STXBP5L: variants seen among roughly 807,000 people sequenced by gnomAD.
The protein encoded by STXBP5L is syntaxin binding protein 5L.
In STXBP5L, 65 loss-of-function variants were observed where a neutral mutation model predicts 144.5. That is an observed-to-expected ratio of 0.45 (90% CI 0.37 to 0.55). The LOEUF is 0.55. Among genes scored for constraint, STXBP5L ranks in the 20% least tolerant of loss-of-function variants. The pLI is 0.00. For synonymous variants in STXBP5L, 505 were observed against 469.6 expected (o/e 1.08, Z -0.97); for missense variants, 1,298 against 1,405.5 (o/e 0.92, Z 1.22).
chr3:121,065,837 C>G (rs911888193), intron 5 of STXBP5L, among the ~76,000 whole-genome samples: 1 of 152,158 alleles, frequency 6.6e-6, no homozygotes, highest in East Asian at 1.9e-4. Flanking sequence ...GATCTTTATT[C>G]AAGCTCATTT....
At chr3:121,087,500 T>C (rs1370734674) in intron 5 of STXBP5L, among the ~76,000 whole-genome samples, 1 of 152,084 alleles carries the variant, frequency 6.6e-6, no homozygotes, top group Non-Finnish European at 1.5e-5. Context: ...GTCTTCTTTC[T>C]AGTGATTCAT....
chr3:120,914,941 C>T (rs1709031599), intron 2 of STXBP5L, among the ~76,000 whole-genome samples: 1 of 151,998 alleles, frequency 6.6e-6, no homozygotes, highest in African/African-American at 2.4e-5. Context: ...TTTGCTTATC[C>T]TGAGAGCATA....
chr3:121,406,249 A>G (rs927457947), intron 22 of STXBP5L, among the ~76,000 whole-genome samples: 2 of 152,106 alleles, frequency 1.3e-5, no homozygotes, highest in African/African-American at 2.4e-5. Flanking sequence ...CAACTAAGAT[A>G]TTAGATCATC....
chr3:121,304,040 C>T (rs1408687320), intron 19 of STXBP5L, among the ~76,000 whole-genome samples: 11 of 149,508 alleles, frequency 7.4e-5, no homozygotes, highest in African/African-American at 1.2e-4. Flanking sequence ...AAAAAAAATA[C>T]GTTGAAAGTA....
intron 3 of STXBP5L, among the ~76,000 whole-genome samples, chr3:121,012,949 A>T (rs983658068): frequency 2.6e-5 from 4 of 151,418 alleles, no homozygotes; most frequent in African/African-American, 9.7e-5. Context: ...GCAGTATTTG[A>T]TTTTCTGTTT....
intron 7 of STXBP5L, among the ~76,000 whole-genome samples, chr3:121,123,549 T>C (rs1367372389): frequency 1.3e-5 from 2 of 151,390 alleles, no homozygotes; most frequent in African/African-American, 4.8e-5. Flanking sequence ...TTTGTACTTA[T>C]ATATTCAAAT....
intron 20 of STXBP5L, among the ~76,000 whole-genome samples, chr3:121,343,350 C>T (rs146209478): frequency 0.035 from 5,328 of 152,118 alleles, 125 homozygotes; most frequent in Admixed American, 0.05. Flanking sequence ...TACAGGGATG[C>T]CCTCTCTCAC....
chr3:121,355,982 C>T (rs554146264), intron 20 of STXBP5L, among the ~76,000 whole-genome samples: 2 of 152,326 alleles, frequency 1.3e-5, no homozygotes, highest in African/African-American at 4.8e-5. Context: ...GCTGGAGGCC[C>T]ACTCGAGACC....
At chr3:121,248,761 G>T (rs1016534155) in intron 14 of STXBP5L, among the ~76,000 whole-genome samples, 2 of 152,134 alleles carry the variant, frequency 1.3e-5, no homozygotes, top group African/African-American at 4.8e-5. Context: ...TTTCTTCTAG[G>T]ATTTTAGTAG....
intron 3 of STXBP5L, among the ~76,000 whole-genome samples, chr3:121,032,324 G>T (rs1226249768): frequency 2.6e-5 from 4 of 151,794 alleles, no homozygotes; most frequent in African/African-American, 7.3e-5. Context: ...ATGAAGAAAG[G>T]TTTGATTATA....
chr3:120,989,738 G>T (rs377423453), intron 3 of STXBP5L, among the ~76,000 whole-genome samples: 37 of 152,072 alleles, frequency 2.4e-4, no homozygotes, highest in African/African-American at 8.9e-4. Flanking sequence ...GGATTGTTAT[G>T]TCCCACTGGT....
intron 19 of STXBP5L, among the ~76,000 whole-genome samples, chr3:121,296,927 T>C (rs2051675505): frequency 1.3e-5 from 2 of 152,200 alleles, no homozygotes; most frequent in African/African-American, 4.8e-5. Context: ...CTTAATGTGC[T>C]GTATTCTGGG....
chr3:120,911,020 G>T (rs538780211), intron 2 of STXBP5L, among the ~76,000 whole-genome samples: 5 of 152,190 alleles, frequency 3.3e-5, no homozygotes, highest in African/African-American at 1.2e-4. Flanking sequence ...GAACTGCTAG[G>T]CAGGGGAATT....
intron 9 of STXBP5L, among the ~76,000 whole-genome samples, chr3:121,175,561 C>CT (rs2046900664): frequency 1.3e-5 from 2 of 151,672 alleles, no homozygotes; most frequent in Admixed American, 6.6e-5. Flanking sequence ...GGGACAATCA[C>CT]TAAAAGTTTT....
chr3:121,207,533 T>C (rs770746399), intron 10 of STXBP5L, among the ~76,000 whole-genome samples: 41 of 152,136 alleles, frequency 2.7e-4, no homozygotes, highest in Non-Finnish European at 5.1e-4. Context: ...ACTACCATCA[T>C]AGTGAACAGG....
intron 20 of STXBP5L, among the ~76,000 whole-genome samples, chr3:121,338,622 G>A (rs1326746610): frequency 3.0e-5 from 4 of 134,524 alleles, no homozygotes; most frequent in African/African-American, 6.2e-5. Flanking sequence ...GAGAAAGAGA[G>A]AAAGAAAGAA....
chr3:121,139,081 G>A (rs2045384159), intron 7 of STXBP5L, among the ~76,000 whole-genome samples: 1 of 151,952 alleles, frequency 6.6e-6, no homozygotes, highest in Non-Finnish European at 1.5e-5. Flanking sequence ...AAACTAGGAA[G>A]AGTAGAAGTC....
chr3:121,268,967 ATTC>A (rs1182055234), intron 18 of STXBP5L, among the ~76,000 whole-genome samples: 3 of 152,080 alleles, frequency 2.0e-5, no homozygotes, highest in East Asian at 1.9e-4. Context: ...GGTCTTTATC[ATTC>A]TTCTTCTTAT....
At chr3:121,280,290 G>T (rs2051014047) in intron 19 of STXBP5L, among the ~76,000 whole-genome samples, 1 of 151,714 alleles carries the variant, frequency 6.6e-6, no homozygotes. Flanking sequence ...GAAAAAAACT[G>T]CTTGCAATGG....
Sources: gnomAD v4.1 joint callset for allele counts (sites outside exome capture counted in the v4.1 genomes callset) on GRCh38, gnomAD v4.1.1 for gene constraint, MANE v1.5 for transcripts, NCBI Gene and HGNC (gene_info 2026-07-23, HGNC 2026-07-21) for gene names.